The following FOLH1 variants were observed in gnomAD, a reference collection of about 807,000 sequenced individuals.
FOLH1 encodes the protein folate hydrolase 1, also known as glutamate carboxypeptidase 2.
Under a neutral mutation model 93.9 loss-of-function variants are expected in FOLH1, and 54 were observed. That is an observed-to-expected ratio of 0.57 (90% CI 0.46 to 0.72). The LOEUF (loss-of-function observed/expected upper bound fraction) is 0.72, where lower values mean the gene tolerates loss of function less well. Among genes scored for constraint, FOLH1 ranks in the 30% least tolerant of loss-of-function variants. The pLI is 0.00. For synonymous variants in FOLH1, 249 were observed against 303.6 expected, an observed-to-expected ratio of 0.82 and a Z score of 1.87; for missense variants, 571 against 892.5, an observed-to-expected ratio of 0.64 and a Z score of 4.59.
chr11:49,173,575 C>CAA (rs146564769), intron 9 of FOLH1, 99 bp from the exon 10 acceptor site: 18,535 of 650,936 alleles, frequency 0.028, 349 homozygotes, highest in Non-Finnish European at 0.032. Flanking sequence ...ACTCACGCCT[C>CAA]AGAAAAAAAA....
intron 12 of FOLH1, among the ~76,000 whole-genome samples, chr11:49,168,052 T>A (rs1054904837): frequency 2.6e-5 from 4 of 151,382 alleles, no homozygotes; most frequent in Non-Finnish European, 4.4e-5. Flanking sequence ...TCCTTTTTTT[T>A]TTTTTTTGCA....
chr11:49,195,061 CA>C (rs1269123622), intron 3 of FOLH1, among the ~76,000 whole-genome samples: 2 of 152,032 alleles, frequency 1.3e-5, no homozygotes, highest in Non-Finnish European at 2.9e-5. Flanking sequence ...TAAGCAAACT[CA>C]AACTAATGTA....
At chr11:49,157,342 G>T (rs1857138417) in intron 14 of FOLH1, among the ~76,000 whole-genome samples, 1 of 151,904 alleles carries the variant, frequency 6.6e-6, no homozygotes, top group Admixed American at 6.6e-5. Flanking sequence ...GTGATGAGGT[G>T]GCAGAAAAAC....
chr11:49,165,198 G>A (rs186441958), intron 12 of FOLH1, among the ~76,000 whole-genome samples: 21 of 151,964 alleles, frequency 1.4e-4, no homozygotes, highest in Non-Finnish European at 1.9e-4. Context: ...TTTAACCTTG[G>A]CTCTTGTTTC....
At chr11:49,166,832 G>A (rs949350748) in intron 12 of FOLH1, among the ~76,000 whole-genome samples, 1 of 152,084 alleles carries the variant, frequency 6.6e-6, no homozygotes, top group Non-Finnish European at 1.5e-5. Flanking sequence ...TTTCAAGCCA[G>A]GGATGACATA....
chr11:49,167,422 C>A (rs1259156222), intron 12 of FOLH1, among the ~76,000 whole-genome samples: 1 of 152,162 alleles, frequency 6.6e-6, no homozygotes, highest in Non-Finnish European at 1.5e-5. Context: ...CGCCAAAGGT[C>A]AAGCTCTTAG....
chr11:49,150,831 GA>G (rs1856429044), intron 17 of FOLH1, among the ~76,000 whole-genome samples: 1 of 152,122 alleles, frequency 6.6e-6, no homozygotes, highest in African/African-American at 2.4e-5. Flanking sequence ...AATTAACTGA[GA>G]AAAATCATTA....
intron 12 of FOLH1, among the ~76,000 whole-genome samples, chr11:49,168,043 C>CT (rs1261683872): frequency 9.2e-6 from 1 of 108,706 alleles, no homozygotes; most frequent in Non-Finnish European, 1.8e-5. Flanking sequence ...TTCATTTAGT[C>CT]CTTTTTTTTT....
chr11:49,193,907 C>A (rs1862333125), intron 3 of FOLH1, among the ~76,000 whole-genome samples: 1 of 151,994 alleles, frequency 6.6e-6, no homozygotes. Context: ...CGCCTGTAAT[C>A]CCAGCACTTT....
intron 3 of FOLH1, among the ~76,000 whole-genome samples, chr11:49,198,804 G>A (rs1862961775): frequency 6.7e-6 from 1 of 149,458 alleles, no homozygotes; most frequent in Non-Finnish European, 1.5e-5. Flanking sequence ...TTTTAAGGTG[G>A]AGTCTTGCTA....
intron 17 of FOLH1, among the ~76,000 whole-genome samples, chr11:49,149,243 C>A (rs1856178569): frequency 6.6e-6 from 1 of 152,044 alleles, no homozygotes. Flanking sequence ...GTATAATGAT[C>A]CAGATTTAAG....
intron 3 of FOLH1, among the ~76,000 whole-genome samples, chr11:49,193,404 A>C (rs995791335): frequency 9.9e-5 from 15 of 152,220 alleles, no homozygotes; most frequent in African/African-American, 3.6e-4. Context: ...TTCTTGAGAG[A>C]ACTTGTAAGG....
chr11:49,170,605 ACT>A (rs1859142986), intron 11 of FOLH1, among the ~76,000 whole-genome samples: 2 of 152,276 alleles, frequency 1.3e-5, no homozygotes, highest in South Asian at 2.1e-4. Context: ...ACAGAGCGAG[ACT>A]CTGTATAGTT....
At chr11:49,207,483 CGA>C (rs1428812039) in intron 1 of FOLH1, among the ~76,000 whole-genome samples, 2 of 152,256 alleles carry the variant, frequency 1.3e-5, no homozygotes, top group East Asian at 3.9e-4. Context: ...TCAAGAATTC[CGA>C]GCAGGAGTGG....
chr11:49,177,702 C>T (rs1378004301), intron 7 of FOLH1, among the ~76,000 whole-genome samples: 1 of 148,116 alleles, frequency 6.8e-6, no homozygotes, highest in Admixed American at 6.9e-5. Context: ...AATCCCAGCA[C>T]TTTGGGAGGG....
chr11:49,176,499 T>C (rs1860056769), intron 7 of FOLH1, among the ~76,000 whole-genome samples: 2 of 152,346 alleles, frequency 1.3e-5, no homozygotes, highest in South Asian at 2.1e-4. Context: ...GTATATGCCA[T>C]GGTCCCTGGT....
chr11:49,183,263 A>G, intron 6 of FOLH1, 21 bp from the exon 7 acceptor site: 1 of 1,585,068 alleles, frequency 6.3e-7, no homozygotes. Context: ...AAATTGCCAT[A>G]TTTCCAGTAA....
chr11:49,185,497 A>G lies in FOLH1; in HGVS notation c.826+172T>C, dbSNP rs1212532247. Reference sequence around the variant, plus strand: ...AAGCCCACCAGGCCCAAGTTTCAAAATAAGGGGGTAAGGGGCCTGAACCAA... The same window carrying G: ...AAGCCCACCAGGCCCAAGTTTCAAAGTAAGGGGGTAAGGGGCCTGAACCAA... On this transcript the variant is annotated intron_variant, in intron 6 of 18. Transcript: ENST00000256999. The G allele has an allele frequency of 1.5e-5, 13 of 853,016 alleles. No individual in the cohort carries two copies. In the African/African-American group the frequency reaches 1.6e-4, roughly 10 times the overall value. 52.8% of individuals were successfully genotyped at this position (853,016 alleles called of 1,614,324 possible). A position where few individuals can be genotyped will look rare whatever the true frequency, so the allele number is the denominator to read the frequency against.
In FOLH1 at chr11:49,146,279, T is replaced by TA. The variant is rs1855774167; in HGVS notation, c.*476dup. ...TATGCTATAGAGTGATAACATTTAC[T>TA]AAAAGTGTGATTTGATCCATTTCCC... On this transcript the variant is annotated 3_prime_UTR_variant, in exon 19 of 19. Coordinates refer to ENST00000256999, the MANE Select transcript of FOLH1 (RefSeq NM_004476.3). Among the ~76,000 whole-genome samples the TA allele has an allele frequency of 2.6e-5, 4 of 152,228 alleles. No homozygotes were observed. The highest frequency in any genetic ancestry group is 1.5e-5 in the Non-Finnish European group (1 of 68,038).
Sources: allele counts gnomAD v4.1 joint callset (sites outside exome capture counted in the v4.1 genomes callset), GRCh38; gene constraint gnomAD v4.1.1; transcripts MANE v1.5; gene names NCBI Gene and HGNC (gene_info 2026-07-23, HGNC 2026-07-21).